The following SLC9A9 variants were observed in gnomAD, a reference collection of about 807,000 sequenced individuals.
SLC9A9 encodes the protein sodium/hydrogen exchanger 9.
In SLC9A9, 62 loss-of-function variants were observed where a neutral mutation model predicts 77.8. That is an observed-to-expected ratio of 0.80 (90% confidence interval 0.65 to 0.98). The LOEUF (loss-of-function observed/expected upper bound fraction) is 0.98, where lower values mean the gene tolerates loss of function less well. Among genes scored for constraint, SLC9A9 ranks in the 50% least tolerant of loss-of-function variants. The pLI is 0.00. For missense variants in SLC9A9, 775 were observed against 774.9 expected (o/e 1.00, Z 0.00); for synonymous variants, 320 against 283.5 (o/e 1.13, Z -1.29).
chr3:143,295,120 T>C (rs1284738547), intron 14 of SLC9A9, among the ~76,000 whole-genome samples: 2 of 152,186 alleles, frequency 1.3e-5, no homozygotes, highest in African/African-American at 2.4e-5. Flanking sequence ...GACAAAAAGT[T>C]AAAATAAACA....
intron 6 of SLC9A9, among the ~76,000 whole-genome samples, chr3:143,589,942 A>C (rs1188743218): frequency 1.5e-5 from 2 of 135,830 alleles, no homozygotes; most frequent in Non-Finnish European, 3.1e-5. Flanking sequence ...CAGGATTTCT[A>C]GTATTAATTT....
chr3:143,601,067 G>A (rs1168123727), intron 6 of SLC9A9, among the ~76,000 whole-genome samples: 1 of 152,172 alleles, frequency 6.6e-6, no homozygotes, highest in Non-Finnish European at 1.5e-5. Flanking sequence ...GGGAGAAACA[G>A]TCTCAATAAT....
chr3:143,503,717 T>C, intron 9 of SLC9A9: 1 of 369,600 alleles, frequency 2.7e-6, no homozygotes. Context: ...CCACCCATGG[T>C]CTTCTAGGTG....
chr3:143,576,082 C>T (rs989200463), intron 7 of SLC9A9, among the ~76,000 whole-genome samples: 2 of 152,212 alleles, frequency 1.3e-5, no homozygotes, highest in African/African-American at 4.8e-5. Flanking sequence ...GTTACACCTT[C>T]CCCTCACATC....
intron 12 of SLC9A9, among the ~76,000 whole-genome samples, chr3:143,415,903 C>T (rs1417131603): frequency 6.6e-6 from 1 of 152,160 alleles, no homozygotes; most frequent in Non-Finnish European, 1.5e-5. Flanking sequence ...ATTCTGAATG[C>T]CATTAAGAAC....
chr3:143,553,531 G>A (rs529084297), intron 8 of SLC9A9, among the ~76,000 whole-genome samples: 1 of 152,222 alleles, frequency 6.6e-6, no homozygotes, highest in South Asian at 2.1e-4. Flanking sequence ...TATGTGAACT[G>A]AATACTGACA....
At chr3:143,741,166 A>C (rs1935063421) in intron 4 of SLC9A9, among the ~76,000 whole-genome samples, 1 of 152,216 alleles carries the variant, frequency 6.6e-6, no homozygotes, top group Non-Finnish European at 1.5e-5. Context: ...CTCCAGTAAA[A>C]GGAATTAAGC....
At chr3:143,587,796 C>T (rs1387194715) in intron 6 of SLC9A9, among the ~76,000 whole-genome samples, 1 of 152,194 alleles carries the variant, frequency 6.6e-6, no homozygotes, top group Non-Finnish European at 1.5e-5. Context: ...CAAGCCTGTC[C>T]TCATCAGCCT....
At chr3:143,370,610 A>C in intron 13 of SLC9A9, among the ~76,000 whole-genome samples, 1 of 113,324 alleles carries the variant, frequency 8.8e-6, no homozygotes, top group Admixed American at 8.8e-5. Flanking sequence ...CACCCTAACA[A>C]ATAATTTTCC....
chr3:143,392,210 G>T (rs2108505833), intron 12 of SLC9A9, among the ~76,000 whole-genome samples: 1 of 152,280 alleles, frequency 6.6e-6, no homozygotes, highest in Non-Finnish European at 1.5e-5. Context: ...AGAAAGGTCG[G>T]GTTACCCACA....
At position 143,524,190 on chromosome 3, in the gene SLC9A9, A is replaced by AC. The variant is rs1449684870; in HGVS notation, c.1089+28171_1089+28172insG. ...GCTACACTGAAGATAGAAAAAAAAAAAACTAAGAGAGATCTAACAGCCTGA... is the reference window on the plus strand; with the variant it reads ...GCTACACTGAAGATAGAAAAAAAAAACAACTAAGAGAGATCTAACAGCCTGA... On this transcript the variant is annotated intron_variant, in intron 9 of 15. Transcript: ENST00000316549. Among the ~76,000 whole-genome samples the AC allele has an allele frequency of 5.9e-5, 9 of 151,608 alleles. No individual in the cohort carries two copies. The South Asian group carries it at 1.7e-3, about 28-fold the overall frequency.
intron 12 of SLC9A9, among the ~76,000 whole-genome samples, chr3:143,387,660 T>A (rs1487617220): frequency 2.6e-5 from 4 of 152,152 alleles, no homozygotes; most frequent in Non-Finnish European, 4.4e-5. Context: ...CAAGCTCAAT[T>A]TTCAGAGCAA....
At chr3:143,382,604 T>G (rs2033333375) in intron 12 of SLC9A9, among the ~76,000 whole-genome samples, 1 of 152,090 alleles carries the variant, frequency 6.6e-6, no homozygotes, top group Non-Finnish European at 1.5e-5. Flanking sequence ...CATATACAAT[T>G]TGGGGGCTCT....
intron 2 of SLC9A9, among the ~76,000 whole-genome samples, chr3:143,806,295 A>G (rs916628078): frequency 2.6e-5 from 4 of 152,094 alleles, no homozygotes; most frequent in Non-Finnish European, 4.4e-5. Flanking sequence ...CCGATTTGCC[A>G]TTCCAAACCG....
chr3:143,676,176 T>C (rs1363806552), intron 5 of SLC9A9, among the ~76,000 whole-genome samples: 1 of 152,104 alleles, frequency 6.6e-6, no homozygotes, highest in Non-Finnish European at 1.5e-5. Context: ...AAAGCCCAGG[T>C]GGTTATGCTG....
At chr3:143,463,527 C>G (rs1330680023) in intron 12 of SLC9A9, among the ~76,000 whole-genome samples, 3 of 152,176 alleles carry the variant, frequency 2.0e-5, no homozygotes, top group African/African-American at 7.2e-5. Flanking sequence ...TCCTGGGTAA[C>G]AGCAGAGCTA....
chr3:143,456,624 G>C (rs2035097646), intron 12 of SLC9A9, among the ~76,000 whole-genome samples: 1 of 151,486 alleles, frequency 6.6e-6, no homozygotes. Flanking sequence ...GAGTGCAGTG[G>C]CACAATATCG....
At chr3:143,723,901 G>T (rs562148079) in intron 4 of SLC9A9, among the ~76,000 whole-genome samples, 1 of 152,304 alleles carries the variant, frequency 6.6e-6, no homozygotes, top group East Asian at 1.9e-4. Flanking sequence ...ATTCGAATTT[G>T]AGAATTTAAG....
chr3:143,451,902 T>C (rs1279567180), intron 12 of SLC9A9, among the ~76,000 whole-genome samples: 1 of 152,092 alleles, frequency 6.6e-6, no homozygotes, highest in African/African-American at 2.4e-5. Context: ...TGATTAATAA[T>C]ATAGAAATGT....
Sources: allele counts gnomAD v4.1 joint callset (sites outside exome capture counted in the v4.1 genomes callset), GRCh38; gene constraint gnomAD v4.1.1; transcripts MANE v1.5; gene names NCBI Gene and HGNC (gene_info 2026-07-23, HGNC 2026-07-21).